Variants in FGF2 observed in about 807,000 individuals in gnomAD.
FGF2 encodes basic fibroblast growth factor bFGF.
FGF2 carries 13 observed loss-of-function variants against 15.9 expected under a neutral mutation model. The ratio of observed to expected loss-of-function variants is 0.82; its 90% CI spans 0.53 to 1.30. The LOEUF (loss-of-function observed/expected upper bound fraction) is 1.30, where lower values mean the gene tolerates loss of function less well. Among genes scored for constraint, FGF2 ranks in the 50% most tolerant of loss-of-function variants. The pLI is 0.00. For missense variants in FGF2, 163 were observed against 196.9 expected, an observed-to-expected ratio of 0.83 and a Z score of 1.03; for synonymous variants, 90 against 78.4, an observed-to-expected ratio of 1.15 and a Z score of -0.78.
intron 2 of FGF2, among the ~76,000 whole-genome samples, chr4:122,890,887 C>T (rs1578482573): frequency 6.6e-6 from 1 of 151,902 alleles, no homozygotes; most frequent in Non-Finnish European, 1.5e-5. Context: ...GTTTATCATT[C>T]GATTGATATA....
chr4:122,889,687 C>T (rs1006983087), intron 2 of FGF2, among the ~76,000 whole-genome samples: 5 of 151,948 alleles, frequency 3.3e-5, no homozygotes, highest in Admixed American at 2.0e-4. Context: ...TTCCTTCCCT[C>T]CACTGTTTTT....
chr4:122,864,674 T>C (rs184511470), intron 1 of FGF2, among the ~76,000 whole-genome samples: 6 of 152,338 alleles, frequency 3.9e-5, no homozygotes, highest in Admixed American at 2.0e-4. Context: ...TTTTCAGTCA[T>C]GTTTAATATG....
At chr4:122,842,095 G>A (rs1016142448) in intron 1 of FGF2, among the ~76,000 whole-genome samples, 8 of 152,194 alleles carry the variant, frequency 5.3e-5, no homozygotes, top group Admixed American at 6.5e-5. Flanking sequence ...TCTAGAAGAA[G>A]CCTAATGCCC....
chr4:122,872,325 A>G (rs891427456), intron 1 of FGF2, among the ~76,000 whole-genome samples: 2 of 152,186 alleles, frequency 1.3e-5, no homozygotes, highest in African/African-American at 2.4e-5. Context: ...AGACTAGAGA[A>G]GAAAGAATGT....
intron 1 of FGF2, among the ~76,000 whole-genome samples, chr4:122,834,521 T>TAA (rs1725825857): frequency 6.6e-6 from 1 of 152,356 alleles, no homozygotes. Context: ...TTTTCCAATT[T>TAA]TTCATGCTAC....
chr4:122,831,487 C>T (rs1230519150), intron 1 of FGF2, among the ~76,000 whole-genome samples: 1 of 152,212 alleles, frequency 6.6e-6, no homozygotes, highest in Non-Finnish European at 1.5e-5. Flanking sequence ...CCCCCCACCT[C>T]TCTTTGGTAA....
chr4:122,857,386 TGTGCA>T (rs1453757358), intron 1 of FGF2, among the ~76,000 whole-genome samples: 1 of 152,230 alleles, frequency 6.6e-6, no homozygotes, highest in Non-Finnish European at 1.5e-5. Context: ...TCTTTGCTGC[TGTGCA>T]GTTCTTTGCC....
intron 1 of FGF2, among the ~76,000 whole-genome samples, chr4:122,864,690 C>T (rs1485608353): frequency 2.0e-5 from 3 of 152,126 alleles, no homozygotes; most frequent in Non-Finnish European, 4.4e-5. Flanking sequence ...ATATGATGCA[C>T]AGTTGGTATT....
At chr4:122,856,193 T>C (rs1249088931) in intron 1 of FGF2, among the ~76,000 whole-genome samples, 4 of 151,702 alleles carry the variant, frequency 2.6e-5, no homozygotes, top group Non-Finnish European at 5.9e-5. Context: ...CATCAGATTT[T>C]TATATTGTGT....
chr4:122,848,428 C>T (rs1726160551), intron 1 of FGF2, among the ~76,000 whole-genome samples: 1 of 152,138 alleles, frequency 6.6e-6, no homozygotes, highest in Admixed American at 6.5e-5. Context: ...GGGAACATTC[C>T]CAACTTGATC....
chr4:122,826,849 G>A lies in FGF2; in HGVS notation c.-326G>A. 1 of 1,498,316 alleles carries A rather than the reference G, an allele frequency of 6.7e-7. No individual in the cohort carries two copies. 92.8% of individuals were successfully genotyped at this position (1,498,316 alleles called of 1,614,324 possible). A position where few individuals can be genotyped will look rare whatever the true frequency, so the allele number is the denominator to read the frequency against. ...GGCGGGTGCCAGATTAGCGGACGCGGTGCCCGCGGTTGCAACGGGATCCCG... is the reference window on the plus strand; with the variant it reads ...GGCGGGTGCCAGATTAGCGGACGCGATGCCCGCGGTTGCAACGGGATCCCG... On this transcript the variant is annotated 5_prime_UTR_variant, in exon 1 of 3. In the 5' UTR this introduces an upstream ATG that the reference lacks. Transcript: ENST00000644866.
intron 2 of FGF2, among the ~76,000 whole-genome samples, chr4:122,887,980 A>G (rs1309079078): frequency 6.6e-6 from 1 of 152,238 alleles, no homozygotes; most frequent in African/African-American, 2.4e-5. Flanking sequence ...AAAGAAGGAA[A>G]AAAGTTAAAT....
chr4:122,857,439 T>C (rs1302391134), intron 1 of FGF2, among the ~76,000 whole-genome samples: 1 of 152,204 alleles, frequency 6.6e-6, no homozygotes, highest in Admixed American at 6.5e-5. Flanking sequence ...TGCCACAAGA[T>C]GCTAAATAGT....
rs776896778 is a variant in FGF2 at position 122,892,864 on chromosome 4, C to T, written c.*468C>T. On this transcript the variant is annotated 3_prime_UTR_variant, in exon 3 of 3. Transcript: ENST00000644866. ...CTTTCATAGTTTTATAATTCTCTGGCAGTTCCTTATGATAGAGTTTATAAA... is the reference window on the plus strand; with the variant it reads ...CTTTCATAGTTTTATAATTCTCTGGTAGTTCCTTATGATAGAGTTTATAAA... 1.2e-6 allele frequency: 2 copies of T among 1,608,324 alleles called. No individual in the cohort carries two copies. The highest frequency in any genetic ancestry group is 2.7e-5 in the African/African-American group (2 of 74,690).
chr4:122,897,384 T>C lies in FGF2; in HGVS notation c.*4988T>C. On this transcript the variant is annotated 3_prime_UTR_variant, in exon 3 of 3. Transcript: ENST00000644866. Reference sequence around the variant, plus strand: ...TTCAGACAGATTAATCCAGAAGCAGTCATAAACAGAAGAATAGGTGGTATG... The same window carrying C: ...TTCAGACAGATTAATCCAGAAGCAGCCATAAACAGAAGAATAGGTGGTATG... The C allele has an allele frequency of 2.0e-6, 1 of 498,600 alleles. No individual in the cohort carries two copies. The highest frequency in any genetic ancestry group is 3.6e-6 in the Non-Finnish European group (1 of 278,396). The allele number at this position is 498,600 out of a possible 1,614,324, so 30.9% of individuals were successfully genotyped here.
chr4:122,859,885 T>A (rs565571463), intron 1 of FGF2, among the ~76,000 whole-genome samples: 1 of 152,376 alleles, frequency 6.6e-6, no homozygotes, highest in South Asian at 2.1e-4. Flanking sequence ...CCCAAATTGT[T>A]ACTGAGGTTA....
chr4:122,827,922 CA>C lies in FGF2; in HGVS notation c.178+576del, dbSNP rs773713015. Reference sequence around the variant, plus strand: ...AAACAAAAACCAACCAGCCAACCAGCAAAAAATCCAGATGTTGTTAATAAAG... The same window carrying C: ...AAACAAAAACCAACCAGCCAACCAGCAAAAATCCAGATGTTGTTAATAAAG... On this transcript the variant is annotated intron_variant, in intron 1 of 2. Transcript: ENST00000644866. The surrounding 1 kb of genome is among the most constrained non-coding windows in gnomAD (Gnocchi z 4.2). Among the ~76,000 whole-genome samples the C allele has an allele frequency of 2.6e-5, 4 of 152,282 alleles. No homozygotes were observed. Among genetic ancestry groups the C allele is most frequent in the East Asian group, 3.9e-4 (2 of 5,186 alleles).
intron 1 of FGF2, among the ~76,000 whole-genome samples, chr4:122,872,904 C>T (rs1726769949): frequency 6.6e-6 from 1 of 152,144 alleles, no homozygotes; most frequent in East Asian, 1.9e-4. Context: ...AAAACCGGTA[C>T]CAGTCACTGC....
In FGF2 at chr4:122,827,696, T is replaced by C. The variant is rs1725674634; in HGVS notation, c.178+344T>C. Among the ~76,000 whole-genome samples, 1 of 152,192 alleles carries C rather than the reference T, an allele frequency of 6.6e-6. No individual in the cohort carries two copies. The highest frequency in any genetic ancestry group is 2.4e-5 in the African/African-American group (1 of 41,462). On this transcript the variant is annotated intron_variant, in intron 1 of 2. Transcript: ENST00000644866. The surrounding 1 kb of genome is among the most constrained non-coding windows in gnomAD (Gnocchi z 4.2). ...TGCCCGCGGCCCCGCCATGCAGCTC[T>C]GGCCGCTTCTATCTGCTGCGTGCTG...
Sources: gnomAD v4.1 joint callset for allele counts (sites outside exome capture counted in the v4.1 genomes callset) on GRCh38, gnomAD v4.1.1 for gene constraint, Gnocchi (gnomAD v3.1) non-coding constraint, MANE v1.5 for transcripts, NCBI Gene and HGNC (gene_info 2026-07-23, HGNC 2026-07-21) for gene names.